Variants in TRERF1 observed in about 807,000 individuals in gnomAD.
TRERF1 encodes the protein transcriptional regulating factor 1, also known as transcriptional-regulating factor 1.
TRERF1 carries 27 observed loss-of-function variants against 122.9 expected under a neutral mutation model. That is an observed-to-expected ratio of 0.22 (90% CI 0.16 to 0.30). TRERF1 has a LOEUF of 0.30. Among genes scored for constraint, TRERF1 ranks in the 10% least tolerant of loss-of-function variants. The pLI, the probability that TRERF1 is intolerant of heterozygous loss-of-function variation, is 1.00. For missense variants in TRERF1, 1,248 were observed against 1,560.3 expected (o/e 0.80, Z 3.37); for synonymous variants, 636 against 641.7 (o/e 0.99, Z 0.13).
chr6:42,407,103 C>A (rs950518736), intron 2 of TRERF1, among the ~76,000 whole-genome samples: 3 of 152,154 alleles, frequency 2.0e-5, no homozygotes, highest in Non-Finnish European at 4.4e-5. Flanking sequence ...CCCAAAGTGT[C>A]CTAAACACAC....
At chr6:42,257,216 A>G in intron 10 of TRERF1, 114 bp from the exon 11 acceptor site, 1 of 1,313,682 alleles carries the variant, frequency 7.6e-7, no homozygotes, top group Non-Finnish European at 1.1e-6. Context: ...GCAAGAATGC[A>G]GGGGCATTTC....
chr6:42,431,725 A>AC (rs990387619), intron 2 of TRERF1, among the ~76,000 whole-genome samples: 159 of 148,242 alleles, frequency 1.1e-3, no homozygotes, highest in African/African-American at 3.8e-3. Flanking sequence ...CACACCAGGG[A>AC]CCCCCCAACC....
At chr6:42,451,177 C>T (rs1788419305) in exon 2 of TRERF1, 1 of 152,248 alleles carries the variant, frequency 6.6e-6, no homozygotes, top group Non-Finnish European at 1.5e-5. Flanking sequence ...TCTTGCCTAC[C>T]TTGGCTGTTT....
At chr6:42,284,471 G>C (rs1232074816) in intron 4 of TRERF1, among the ~76,000 whole-genome samples, 1 of 152,206 alleles carries the variant, frequency 6.6e-6, no homozygotes, top group Middle Eastern at 3.2e-3. Flanking sequence ...TGAAAAATGT[G>C]TCGCCTGTCA....
At chr6:42,298,304 C>T (rs547103379) in intron 4 of TRERF1, among the ~76,000 whole-genome samples, 27 of 151,644 alleles carry the variant, frequency 1.8e-4, no homozygotes, top group Non-Finnish European at 3.1e-4. Context: ...TATAGGTGCG[C>T]GCCACCACAC....
chr6:42,245,107 T>A (rs1361608286), intron 14 of TRERF1, among the ~76,000 whole-genome samples: 3 of 152,126 alleles, frequency 2.0e-5, no homozygotes, highest in South Asian at 2.1e-4. Flanking sequence ...GAGCCCTGGG[T>A]TAAAACCCAG....
intron 3 of TRERF1, among the ~76,000 whole-genome samples, chr6:42,301,549 T>C (rs1269338673): frequency 6.6e-6 from 1 of 152,138 alleles, no homozygotes; most frequent in Non-Finnish European, 1.5e-5. Flanking sequence ...TTTTAAAAAA[T>C]TTTCCACACC....
intron 2 of TRERF1, among the ~76,000 whole-genome samples, chr6:42,403,206 C>CG (rs1779670321): frequency 6.6e-6 from 1 of 152,052 alleles, no homozygotes; most frequent in Non-Finnish European, 1.5e-5. Context: ...CCCAAAAAAG[C>CG]AGGTAAAAAC....
chr6:42,363,317 C>G (rs1252110886), intron 2 of TRERF1, among the ~76,000 whole-genome samples: 1 of 152,056 alleles, frequency 6.6e-6, no homozygotes, highest in Non-Finnish European at 1.5e-5. Flanking sequence ...GCTCTAAACC[C>G]AAGTCATCAT....
chr6:42,385,679 C>T (rs978408654), intron 2 of TRERF1, among the ~76,000 whole-genome samples: 1 of 152,164 alleles, frequency 6.6e-6, no homozygotes, highest in Non-Finnish European at 1.5e-5. Flanking sequence ...GCATATTACT[C>T]AAAGGCACCA....
chr6:42,426,433 G>A (rs1018206135), intron 2 of TRERF1, among the ~76,000 whole-genome samples: 2 of 152,194 alleles, frequency 1.3e-5, no homozygotes, highest in Admixed American at 6.5e-5. Context: ...GTGTTCACTA[G>A]AACCTTTCTT....
At chr6:42,437,256 A>C (rs1785620126) in intron 2 of TRERF1, among the ~76,000 whole-genome samples, 1 of 152,104 alleles carries the variant, frequency 6.6e-6, no homozygotes, top group Non-Finnish European at 1.5e-5. Context: ...ATGTGGAATA[A>C]TTTGGGGCAG....
At chr6:42,320,194 C>T (rs1763180148) in intron 3 of TRERF1, among the ~76,000 whole-genome samples, 1 of 152,014 alleles carries the variant, frequency 6.6e-6, no homozygotes, top group African/African-American at 2.4e-5. Context: ...CCACCGCACC[C>T]AGCCATAACT....
At chr6:42,442,368 G>A (rs1007161287) in intron 2 of TRERF1, among the ~76,000 whole-genome samples, 7 of 152,106 alleles carry the variant, frequency 4.6e-5, no homozygotes, top group Non-Finnish European at 1.0e-4. Flanking sequence ...GACCCCTAGA[G>A]GCCCTCAGGA....
At chr6:42,446,065 C>T (rs1414581732) in intron 2 of TRERF1, among the ~76,000 whole-genome samples, 1 of 152,212 alleles carries the variant, frequency 6.6e-6, no homozygotes, top group Non-Finnish European at 1.5e-5. Context: ...CAGGCATCCG[C>T]CACCACGCAG....
At chr6:42,395,843 A>G (rs1778485303) in intron 2 of TRERF1, among the ~76,000 whole-genome samples, 2 of 151,930 alleles carry the variant, frequency 1.3e-5, no homozygotes, top group Admixed American at 1.3e-4. Context: ...CTCAAGGAGA[A>G]GCACGGCCTT....
At position 42,228,609 on chromosome 6, in the gene TRERF1, T is replaced by C. The variant is rs200905531; in HGVS notation, c.3339A>G (p.Glu1113=). The change falls in exon 18 of 18, where the codon GAA becomes GAG. Residue 1113 remains glutamate, a synonymous_variant. Coordinates refer to ENST00000372922, the Ensembl canonical transcript of TRERF1. This position sits in a 1 kb window ranked among gnomAD's most constrained non-coding sequence, Gnocchi z 4.2. ...CCTTCTGAGCCTTTTGCCTCTGTTG[T>C]TCCTCCTGCTGCCTGTGAGTTTTCA... is the stretch of plus-strand genomic sequence containing the variant. 69 of 1,614,150 alleles carry C rather than the reference T, an allele frequency of 4.3e-5. No individual in the cohort carries two copies. Among genetic ancestry groups the C allele is most frequent in the Non-Finnish European group, 5.4e-5 (64 of 1,180,014 alleles).
chr6:42,361,252 C>T lies in TRERF1; in HGVS notation c.-371+1745G>A, dbSNP rs140021072. 6.6e-4 allele frequency among the ~76,000 whole-genome samples: 101 copies of T among 152,326 alleles called. No individual in the cohort carries two copies. In the East Asian group the frequency reaches 0.016, roughly 24 times the overall value. ...CCTCACCAGAACCTGACCATACTGG[C>T]ACCCTCATCTCAGACTTCCAGCCTC... On this transcript the variant is annotated intron_variant, in intron 3 of 17. Transcript: ENST00000372922.
At position 42,228,163 on chromosome 6, in the gene TRERF1, A is replaced by C; in HGVS notation, c.*182T>G. On this transcript the variant is annotated 3_prime_UTR_variant, in exon 18 of 18. Coordinates refer to ENST00000372922, the Ensembl canonical transcript of TRERF1. This position sits in a 1 kb window ranked among gnomAD's most constrained non-coding sequence, Gnocchi z 4.2. The stretch of plus-strand genomic sequence containing the variant: ...TTATTTATTCCCCCAACCCCCCACA[A>C]AAACAAATTTTTTTAAATAAAAGGA... The C allele has an allele frequency of 1.7e-6, 1 of 571,818 alleles. No homozygotes were observed. The highest frequency in any genetic ancestry group is 2.8e-6 in the Non-Finnish European group (1 of 352,298). The allele number at this position is 571,818 out of a possible 1,614,324, so 35.4% of individuals were successfully genotyped here. A position where few individuals can be genotyped will look rare whatever the true frequency, so the allele number is the denominator to read the frequency against.
Sources: gnomAD v4.1 joint callset for allele counts (sites outside exome capture counted in the v4.1 genomes callset) on GRCh38, gnomAD v4.1.1 for gene constraint, Gnocchi (gnomAD v3.1) non-coding constraint, MANE v1.5 for transcripts, NCBI Gene and HGNC (gene_info 2026-07-23, HGNC 2026-07-21) for gene names.